Variants in PTPRD observed in about 807,000 individuals in gnomAD.
PTPRD encodes protein tyrosine phosphatase receptor type D, also known as receptor-type tyrosine-protein phosphatase delta.
In PTPRD, 34 loss-of-function variants were observed where a neutral mutation model predicts 214.5. The ratio of observed to expected loss-of-function variants is 0.16; its 90% CI spans 0.12 to 0.21. The LOEUF is 0.21. PTPRD is among the 10% of genes least tolerant of loss of function. The pLI, the probability that PTPRD is intolerant of heterozygous loss-of-function variation, is 1.00. For missense variants in PTPRD, 2,545 were observed against 2,398.7 expected, an observed-to-expected ratio of 1.06 and a Z score of -1.27; for synonymous variants, 1,128 against 845.7, an observed-to-expected ratio of 1.33 and a Z score of -5.79.
intron 9 of PTPRD, among the ~76,000 whole-genome samples, chr9:9,385,852 T>C (rs1054972307): frequency 9.9e-5 from 15 of 152,180 alleles, no homozygotes; most frequent in Admixed American, 9.8e-4. Context: ...ACATAGAAGG[T>C]AAATGTTAGA....
chr9:8,636,857 A>G lies in PTPRD; in HGVS notation c.65-13T>C, dbSNP rs1206573834. ...AACCTTGGAGGTGCTGAAATAAAAAATAAACATCACAGTTAAATTGAAAAC... is the reference window on the plus strand; with the variant it reads ...AACCTTGGAGGTGCTGAAATAAAAAGTAAACATCACAGTTAAATTGAAAAC... On this transcript the variant is annotated splice_polypyrimidine_tract_variant and intron_variant, in intron 12 of 45. Transcript: ENST00000381196. 6.2e-7 allele frequency: 1 copy of G among 1,610,014 alleles called. No homozygotes were observed. Among genetic ancestry groups the G allele is most frequent in the South Asian group, 1.1e-5 (1 of 90,894 alleles).
At chr9:8,959,236 A>G (rs79842755) in intron 11 of PTPRD, among the ~76,000 whole-genome samples, 2,750 of 152,074 alleles carry the variant, frequency 0.018, 81 homozygotes, top group African/African-American at 0.061. Flanking sequence ...AAAAGTTTTT[A>G]TGAGTGCTAT....
chr9:10,298,820 C>A (rs773191844), intron 3 of PTPRD, among the ~76,000 whole-genome samples: 3 of 151,998 alleles, frequency 2.0e-5, no homozygotes, highest in Non-Finnish European at 2.9e-5. Context: ...TAATTTCTAA[C>A]TTGCTTTATA....
intron 3 of PTPRD, among the ~76,000 whole-genome samples, chr9:10,283,137 C>CACACACAA (rs1037869193): frequency 1.3e-5 from 2 of 151,972 alleles, no homozygotes; most frequent in Admixed American, 1.3e-4. Context: ...CACACACACA[C>CACACACAA]ACACACACAC....
rs140906908 is a variant in PTPRD at position 10,074,872 on chromosome 9, T to C, written c.-544-41082A>G. ...CACCATTTCAGGCCTCTAGTAATGA[T>C]GGAAGCATTGCTTCCCTAAACCTCT... On this transcript the variant is annotated intron_variant, in intron 3 of 45. Transcript: ENST00000381196. Among the ~76,000 whole-genome samples, 145 of 152,280 alleles carry C rather than the reference T, an allele frequency of 9.5e-4. 3 individuals are homozygous for C. In the East Asian group the frequency reaches 0.021, roughly 22 times the overall value.
intron 4 of PTPRD, among the ~76,000 whole-genome samples, chr9:9,957,382 A>G (rs1354497946): frequency 6.6e-6 from 1 of 152,192 alleles, no homozygotes; most frequent in African/African-American, 2.4e-5. Flanking sequence ...ACATGCAGAC[A>G]ATAAGATAAT....
chr9:8,389,150 G>C lies in PTPRD; in HGVS notation c.4386+82C>G, dbSNP rs1457669708. On this transcript the variant is annotated intron_variant, in intron 37 of 45. Coordinates refer to ENST00000381196, the MANE Select transcript of PTPRD (RefSeq NM_002839.4). Reference sequence around the variant, plus strand: ...AAAGATAAGCCTTAGGGAAAGGTTAGATTCTGAACAGAATAAAATATGCAA... The same window carrying C: ...AAAGATAAGCCTTAGGGAAAGGTTACATTCTGAACAGAATAAAATATGCAA... 7 of 1,236,294 alleles carry C rather than the reference G, an allele frequency of 5.7e-6. No individual in the cohort carries two copies. The African/African-American group carries it at 9.2e-5, about 16-fold the overall frequency. The allele number at this position is 1,236,294 out of a possible 1,614,324, so 76.6% of individuals were successfully genotyped here.
chr9:9,469,851 T>C (rs2094471015), intron 8 of PTPRD, among the ~76,000 whole-genome samples: 1 of 152,200 alleles, frequency 6.6e-6, no homozygotes, highest in Admixed American at 6.5e-5. Flanking sequence ...AGTCATGGCA[T>C]ATGTCCAATG....
intron 14 of PTPRD, among the ~76,000 whole-genome samples, chr9:8,563,254 G>A (rs909434976): frequency 2.0e-5 from 3 of 152,132 alleles, no homozygotes; most frequent in Non-Finnish European, 4.4e-5. Flanking sequence ...AGACAGCCAA[G>A]ATGGAGGAAT....
intron 7 of PTPRD, among the ~76,000 whole-genome samples, chr9:9,701,193 T>C (rs1258372056): frequency 6.6e-6 from 1 of 152,138 alleles, no homozygotes; most frequent in African/African-American, 2.4e-5. Context: ...TGCCTAAATA[T>C]ACAAGGAAGC....
intron 11 of PTPRD, 67 bp from the exon 12 acceptor site, chr9:8,734,013 T>C: frequency 1.6e-6 from 1 of 638,166 alleles, no homozygotes; most frequent in Non-Finnish European, 2.8e-6. Flanking sequence ...TCTTACTCTT[T>C]CCCCCCTGGT....
At chr9:8,678,696 T>C (rs2097488043) in intron 12 of PTPRD, among the ~76,000 whole-genome samples, 1 of 152,208 alleles carries the variant, frequency 6.6e-6, no homozygotes, top group Middle Eastern at 3.2e-3. Flanking sequence ...TAAATGTTTC[T>C]GAAAGGCACT....
At chr9:9,627,180 A>C (rs1196526085) in intron 7 of PTPRD, among the ~76,000 whole-genome samples, 2 of 152,050 alleles carry the variant, frequency 1.3e-5, no homozygotes, top group Non-Finnish European at 2.9e-5. Context: ...CCAGGTGTAC[A>C]TCTGTAGTCC....
At chr9:8,355,969 G>C (rs148568788) in intron 39 of PTPRD, among the ~76,000 whole-genome samples, 4 of 152,274 alleles carry the variant, frequency 2.6e-5, no homozygotes, top group African/African-American at 7.2e-5. Context: ...ATGTACATAT[G>C]TGTGTGTTTA....
chr9:8,850,468 C>T (rs1456810489), intron 11 of PTPRD, among the ~76,000 whole-genome samples: 5 of 152,118 alleles, frequency 3.3e-5, no homozygotes, highest in Admixed American at 6.5e-5. Context: ...CAAAGAACAA[C>T]TTCCATCCAT....
chr9:10,381,811 A>G (rs1234310075), intron 2 of PTPRD, among the ~76,000 whole-genome samples: 1 of 151,970 alleles, frequency 6.6e-6, no homozygotes, highest in Non-Finnish European at 1.5e-5. Flanking sequence ...ATGGCTTATT[A>G]TAACTGCTAG....
At chr9:9,207,767 T>G (rs2099945786) in intron 9 of PTPRD, among the ~76,000 whole-genome samples, 1 of 152,086 alleles carries the variant, frequency 6.6e-6, no homozygotes, top group South Asian at 2.1e-4. Flanking sequence ...CTGTTAAATG[T>G]AAGACTATTT....
At chr9:9,429,090 C>T (rs1402300913) in intron 8 of PTPRD, among the ~76,000 whole-genome samples, 2 of 152,042 alleles carry the variant, frequency 1.3e-5, no homozygotes, top group Non-Finnish European at 2.9e-5. Context: ...ACAAAAAACC[C>T]TTCAAAAATC....
At chr9:10,586,400 T>G (rs1462333756) in intron 2 of PTPRD, among the ~76,000 whole-genome samples, 1 of 151,772 alleles carries the variant, frequency 6.6e-6, no homozygotes, top group Admixed American at 6.6e-5. Flanking sequence ...TTCAGCTCAA[T>G]AAAAAAGTGA....
Sources: allele counts gnomAD v4.1 joint callset (sites outside exome capture counted in the v4.1 genomes callset), GRCh38; gene constraint gnomAD v4.1.1; transcripts MANE v1.5; gene names NCBI Gene and HGNC (gene_info 2026-07-23, HGNC 2026-07-21).